DOCK4: variants seen among roughly 807,000 people sequenced by gnomAD.
DOCK4 encodes the protein dedicator of cytokinesis 4, also known as dedicator of cytokinesis protein 4.
In DOCK4, 97 loss-of-function variants were observed where a neutral mutation model predicts 268.1. That is an observed-to-expected ratio of 0.36 (90% CI 0.31 to 0.43). The LOEUF (loss-of-function observed/expected upper bound fraction) is 0.43, where lower values mean the gene tolerates loss of function less well. DOCK4 is among the 20% of genes least tolerant of loss of function. The pLI is 1.00. For missense variants in DOCK4, 2,145 were observed against 2,455.7 expected (o/e 0.87, Z 2.67); for synonymous variants, 954 against 887.2 (o/e 1.08, Z -1.34).
At chr7:112,007,772 G>A (rs773847183) in intron 1 of DOCK4, among the ~76,000 whole-genome samples, 3 of 152,186 alleles carry the variant, frequency 2.0e-5, no homozygotes, top group Non-Finnish European at 4.4e-5. Flanking sequence ...ATGCATTAAT[G>A]AAGCTTCAAT....
chr7:112,149,123 C>G (rs1361744874), intron 1 of DOCK4, among the ~76,000 whole-genome samples: 1 of 152,102 alleles, frequency 6.6e-6, no homozygotes, highest in East Asian at 1.9e-4. Context: ...TAGAAACTCT[C>G]CATGGAAATT....
rs1003465255 is a variant in DOCK4 at position 111,968,751 on chromosome 7, A to G, written c.701+8381T>C. ...CTATAAATCATGCTGCTATAAAGACACATGCACACGTATGTTTATTGCGGC... is the reference window on the plus strand; with the variant it reads ...CTATAAATCATGCTGCTATAAAGACGCATGCACACGTATGTTTATTGCGGC... On this transcript the variant is annotated intron_variant, in intron 8 of 52. Transcript: ENST00000428084. Among the ~76,000 whole-genome samples the G allele has an allele frequency of 2.8e-5, 3 of 108,380 alleles. 1 individual carries two copies. Among genetic ancestry groups the G allele is most frequent in the African/African-American group, 1.5e-4 (3 of 19,878 alleles). The allele number at this position is 108,380 out of a possible 152,430, so 71.1% of individuals were successfully genotyped here.
intron 1 of DOCK4, among the ~76,000 whole-genome samples, chr7:112,045,579 T>C (rs527314288): frequency 6.6e-6 from 1 of 152,358 alleles, no homozygotes; most frequent in East Asian, 1.9e-4. Flanking sequence ...ATAATGATTA[T>C]TTGTCACTAA....
chr7:112,076,157 G>T (rs1239112485), intron 1 of DOCK4, among the ~76,000 whole-genome samples: 1 of 152,020 alleles, frequency 6.6e-6, no homozygotes, highest in Non-Finnish European at 1.5e-5. Context: ...TATTTTGTTG[G>T]AATCATTTGC....
intron 12 of DOCK4, among the ~76,000 whole-genome samples, chr7:111,925,504 G>A (rs1238565990): frequency 6.6e-6 from 1 of 152,158 alleles, no homozygotes; most frequent in Non-Finnish European, 1.5e-5. Context: ...GGAAGAGACT[G>A]GTGTGTACAA....
At chr7:112,133,637 T>C (rs147474292) in intron 1 of DOCK4, among the ~76,000 whole-genome samples, 1 of 152,106 alleles carries the variant, frequency 6.6e-6, no homozygotes, top group African/African-American at 2.4e-5. Context: ...GGAAGATTGC[T>C]TGAACCTGGG....
intron 8 of DOCK4, among the ~76,000 whole-genome samples, chr7:111,957,985 G>A (rs566437651): frequency 6.6e-6 from 1 of 152,138 alleles, no homozygotes; most frequent in African/African-American, 2.4e-5. Context: ...ACAGGGCTGA[G>A]AGCACAGTTC....
In DOCK4 at chr7:111,728,805, G is replaced by A. The variant is rs1298564540; in HGVS notation, c.5482-85C>T. On this transcript the variant is annotated intron_variant, in intron 52 of 52. Coordinates refer to ENST00000428084, the MANE Select transcript of DOCK4 (RefSeq NM_001363540.2). ...GCTGAAATGTACGCCCCGACGCGGA[G>A]GCCCCGGCCCCCAGCACCCCCAAAG... 4 of 1,351,698 alleles carry A rather than the reference G, an allele frequency of 3.0e-6. 1 individual carries two copies. The Admixed American group carries it at 1.0e-4, about 34-fold the overall frequency. The allele number at this position is 1,351,698 out of a possible 1,614,324, so 83.7% of individuals were successfully genotyped here. A position where few individuals can be genotyped will look rare whatever the true frequency, so the allele number is the denominator to read the frequency against.
chr7:112,165,760 T>C (rs1817562997), intron 1 of DOCK4, among the ~76,000 whole-genome samples: 1 of 152,094 alleles, frequency 6.6e-6, no homozygotes, highest in African/African-American at 2.4e-5. Flanking sequence ...AGAAACTGAA[T>C]AAAACATAAA....
At chr7:111,841,582 A>G (rs1272987989) in intron 25 of DOCK4, among the ~76,000 whole-genome samples, 4 of 152,166 alleles carry the variant, frequency 2.6e-5, no homozygotes, top group South Asian at 2.1e-4. Flanking sequence ...CTTAAAAAAA[A>G]AAGTCTTAAA....
intron 1 of DOCK4, among the ~76,000 whole-genome samples, chr7:112,018,562 T>A (rs1562997972): frequency 6.6e-6 from 1 of 152,190 alleles, no homozygotes; most frequent in Non-Finnish European, 1.5e-5. Context: ...ATAACTTTCT[T>A]CTCACTGTAA....
At chr7:111,794,286 C>T (rs1380423064) in intron 30 of DOCK4, among the ~76,000 whole-genome samples, 1 of 152,154 alleles carries the variant, frequency 6.6e-6, no homozygotes, top group Non-Finnish European at 1.5e-5. Flanking sequence ...GTTTGAGGTA[C>T]TTCTAACACT....
intron 52 of DOCK4, among the ~76,000 whole-genome samples, chr7:111,730,097 G>A (rs1057022785): frequency 2.0e-5 from 3 of 152,020 alleles, no homozygotes; most frequent in East Asian, 1.9e-4. Context: ...ACTACACCCG[G>A]CCTCCTTCAT....
chr7:112,026,221 G>A (rs1247025060), intron 1 of DOCK4, among the ~76,000 whole-genome samples: 2 of 152,218 alleles, frequency 1.3e-5, no homozygotes, highest in Admixed American at 6.5e-5. Context: ...AGTGGCAAGC[G>A]GGTCAGCATT....
intron 42 of DOCK4, among the ~76,000 whole-genome samples, chr7:111,754,351 T>C (rs144456215): frequency 9.8e-5 from 15 of 152,350 alleles, no homozygotes; most frequent in Middle Eastern, 3.4e-3. Context: ...GTAGTTTCAA[T>C]GCTGAGACAT....
chr7:111,915,702 T>A, intron 13 of DOCK4, 77 bp downstream of exon 13: 2 of 1,521,060 alleles, frequency 1.3e-6, no homozygotes, highest in Non-Finnish European at 1.8e-6. Context: ...AAGCTGGCAA[T>A]TTGAAAAATT....
At chr7:111,932,206 A>C (rs1264863964) in intron 12 of DOCK4, among the ~76,000 whole-genome samples, 1 of 152,220 alleles carries the variant, frequency 6.6e-6, no homozygotes, top group East Asian at 1.9e-4. Flanking sequence ...TGAAGTGGGA[A>C]AGGACTGGGA....
chr7:112,161,038 T>C (rs1817071111), intron 1 of DOCK4, among the ~76,000 whole-genome samples: 1 of 152,166 alleles, frequency 6.6e-6, no homozygotes, highest in African/African-American at 2.4e-5. Context: ...TCATAGGCTT[T>C]AATAATTAAG....
intron 42 of DOCK4, among the ~76,000 whole-genome samples, chr7:111,748,833 C>T (rs78836139): frequency 1.3e-5 from 2 of 152,042 alleles, no homozygotes; most frequent in Non-Finnish European, 2.9e-5. Context: ...ATCCGTATGT[C>T]CATTGACAAG....
Sources: allele counts gnomAD v4.1 joint callset (sites outside exome capture counted in the v4.1 genomes callset), GRCh38; gene constraint gnomAD v4.1.1; transcripts MANE v1.5; gene names NCBI Gene and HGNC (gene_info 2026-07-23, HGNC 2026-07-21).